RESF1: variants seen among roughly 807,000 people sequenced by gnomAD.
RESF1 encodes the protein gonad expressed transcript.
RESF1 carries 65 observed loss-of-function variants against 134.7 expected under a neutral mutation model. The ratio of observed to expected loss-of-function variants is 0.48; its 90% CI spans 0.40 to 0.59. The LOEUF (loss-of-function observed/expected upper bound fraction) is 0.59. Ranked by LOEUF, RESF1 falls within the 20% of genes least tolerant of loss-of-function variation. The pLI is 0.00. For synonymous variants in RESF1, 762 were observed against 702.2 expected, an observed-to-expected ratio of 1.09 and a Z score of -1.35; for missense variants, 2,274 against 2,002.7, an observed-to-expected ratio of 1.14 and a Z score of -2.59.
At chr12:31,974,808 T>C (rs1309091942) in intron 3 of RESF1, among the ~76,000 whole-genome samples, 2 of 152,134 alleles carry the variant, frequency 1.3e-5, no homozygotes, top group African/African-American at 4.8e-5. Flanking sequence ...GCTTTTCTTC[T>C]GTCAGTGAAC....
chr12:31,976,488 A>G (rs1368921151), intron 3 of RESF1, among the ~76,000 whole-genome samples: 4 of 152,194 alleles, frequency 2.6e-5, no homozygotes, highest in African/African-American at 9.7e-5. Flanking sequence ...GTTCGAGACC[A>G]GCCTGGCCAA....
chr12:31,982,885 G>A lies in RESF1; in HGVS notation c.1930G>A (p.Val644Ile). ...TPSTSNVSGRVLDNSFCSGQE... is the reference protein window; with the variant it reads ...TPSTSNVSGRILDNSFCSGQE... The stretch of plus-strand genomic sequence containing the variant: ...AAGTACTTCTAATGTAAGTGGCAGG[G>A]TTTTGGACAACTCCTTTTGCAGTGG... The change falls in exon 4 of 6, where the codon GTT (valine) becomes ATT (isoleucine). Residue 644 changes from valine to isoleucine, a missense_variant. Physicochemically the swap from Val to Ile is conservative, Grantham distance 29. Coordinates refer to ENST00000312561, the MANE Select transcript of RESF1 (RefSeq NM_018169.4). The A allele has an allele frequency of 6.2e-7, 1 of 1,614,086 alleles. No individual in the cohort carries two copies. Among genetic ancestry groups the A allele is most frequent in the East Asian group, 2.2e-5 (1 of 44,886 alleles).
Position 31,985,484 on chromosome 12 carries a change from A to G in RESF1, c.4529A>G (p.Asn1510Ser), listed in dbSNP as rs1270240410. The G allele has an allele frequency of 2.5e-6, 4 of 1,605,702 alleles. No individual in the cohort carries two copies. The South Asian group carries it at 3.4e-5, about 13-fold the overall frequency. The change falls in exon 4 of 6, where the codon AAT becomes AGT. Residue 1510 changes from asparagine (N) to serine (S), a missense_variant. Physicochemically the swap from Asn to Ser is conservative, Grantham distance 46. Transcript: ENST00000312561. ...GTGCAGACCTCTAAAGAATCATTAAATGGCTTGACAAGCCATGGTAAAAAC... is the reference window on the plus strand; with the variant it reads ...GTGCAGACCTCTAAAGAATCATTAAGTGGCTTGACAAGCCATGGTAAAAAC... ...SGVQTSKESLNGLTSHGKNLK... is the reference protein window; with the variant it reads ...SGVQTSKESLSGLTSHGKNLK...
In RESF1 at chr12:31,980,108, CTTTT is replaced by C. The variant is rs61587386; in HGVS notation, c.-78-753_-78-750del. The stretch of plus-strand genomic sequence containing the variant: ...TGCTTATGCCAGAAATTTTCTTTTC[CTTTT>C]TTTTTTTTTTTTTTTTGAAACAGAG... On this transcript the variant is annotated intron_variant, in intron 3 of 5. Transcript: ENST00000312561. 7.6e-3 allele frequency among the ~76,000 whole-genome samples: 870 copies of C among 114,408 alleles called. 5 individuals are homozygous for C. The highest frequency in any genetic ancestry group is 0.024 in the African/African-American group (753 of 30,966). 75.1% of individuals were successfully genotyped at this position (114,408 alleles called of 152,430 possible). A position where few individuals can be genotyped will look rare whatever the true frequency, so the allele number is the denominator to read the frequency against.
At chr12:31,987,693 A>G (rs1057078789) in intron 5 of RESF1, among the ~76,000 whole-genome samples, 3 of 151,742 alleles carry the variant, frequency 2.0e-5, no homozygotes, top group African/African-American at 7.3e-5. Context: ...TAATATGTAG[A>G]TGAGTATCAG....
intron 3 of RESF1, among the ~76,000 whole-genome samples, chr12:31,976,292 G>A (rs59727209): frequency 0.17 from 25,330 of 152,106 alleles, 2,565 homozygotes; most frequent in African/African-American, 0.28. Flanking sequence ...TTTTGACTCC[G>A]CCAAAACTTG....
rs1348962884 is a variant in RESF1 at position 31,983,143 on chromosome 12, A to G, written c.2188A>G (p.Ser730Gly). ...VGNSNSQNKI[S>G]NPSQQTALSM... ...AAATTCAAATTCTCAGAATAAAATA[A>G]GTAATCCCTCACAGCAGACAGCTTT... The change falls in exon 4 of 6, where the codon AGT becomes GGT. Residue 730 changes from serine to glycine, a missense_variant. Coordinates refer to ENST00000312561, the MANE Select transcript of RESF1 (RefSeq NM_018169.4). The G allele has an allele frequency of 6.2e-7, 1 of 1,611,562 alleles. No homozygotes were observed. Among genetic ancestry groups the G allele is most frequent in the Admixed American group, 1.7e-5 (1 of 59,548 alleles).
chr12:31,988,198 T>C (rs1183167428), intron 5 of RESF1, among the ~76,000 whole-genome samples: 1 of 152,212 alleles, frequency 6.6e-6, no homozygotes, highest in Non-Finnish European at 1.5e-5. Flanking sequence ...TTAAGTTTCA[T>C]TGCTAGTGAC....
intron 2 of RESF1, among the ~76,000 whole-genome samples, chr12:31,967,661 A>AT (rs1444191423): frequency 9.3e-5 from 1 of 10,796 alleles, no homozygotes; most frequent in East Asian, 3.1e-3. Context: ...CGCAGGGGGG[A>AT]TTTTTGTTTT....
rs2120860668 is a variant in RESF1 at position 31,982,565 on chromosome 12, C to A, written c.1610C>A (p.Ala537Glu). The A allele has an allele frequency of 6.2e-7, 1 of 1,613,834 alleles. No individual in the cohort carries two copies. The highest frequency in any genetic ancestry group is 2.2e-5 in the East Asian group (1 of 44,888). ...SKTSAVEMTQ[A>E]VLNTQLSSEN... is the part of the protein sequence containing the mutation. The stretch of plus-strand genomic sequence containing the variant: ...ACATCAGCTGTTGAGATGACCCAGG[C>A]AGTATTGAATACTCAGCTTTCATCA... The change falls in exon 4 of 6, where the codon GCA (alanine) becomes GAA (glutamate). Residue 537 changes from alanine (A) to glutamate (E), a missense_variant. Physicochemically the swap from Ala to Glu is moderately radical, Grantham distance 107. Coordinates refer to ENST00000312561, the MANE Select transcript of RESF1 (RefSeq NM_018169.4).
At chr12:31,989,793 A>G (rs1940058091) in intron 5 of RESF1, among the ~76,000 whole-genome samples, 1 of 152,150 alleles carries the variant, frequency 6.6e-6, no homozygotes, top group Non-Finnish European at 1.5e-5. Context: ...CGGAGGTTCC[A>G]GTGAGCTGAG....
chr12:31,985,749 CA>C lies in RESF1; in HGVS notation c.4797del (p.Lys1599AsnfsTer2). ...CTERESISLT[K>X]LESSPRKLHK... ...CTGAACGTGAAAGCATTTCTCTCAC[CA>C]AATTAGAAAGTTCACCCAGGAAGCT... On this transcript the variant is annotated frameshift_variant, in exon 4 of 6. Coordinates refer to ENST00000312561, the MANE Select transcript of RESF1 (RefSeq NM_018169.4). LOFTEE classifies it high-confidence loss of function. 1 of 1,578,718 alleles carries C rather than the reference CA, an allele frequency of 6.3e-7. No homozygotes were observed. The highest frequency in any genetic ancestry group is 8.6e-7 in the Non-Finnish European group (1 of 1,168,124).
rs773704253 is a variant in RESF1 at position 31,982,317 on chromosome 12, A to G, written c.1362A>G (p.Gly454=). ...SLKQTAKIQS[G]PQITPVMPEN... ...AACAAACTGCCAAAATCCAGTCTGG[A>G]CCCCAGATAACTCCAGTAATGCCAG... The change falls in exon 4 of 6, where the codon GGA becomes GGG. Residue 454 remains glycine (G), a synonymous_variant. Transcript: ENST00000312561. The G allele has an allele frequency of 6.2e-7, 1 of 1,614,132 alleles. No homozygotes were observed. The highest frequency in any genetic ancestry group is 8.5e-7 in the Non-Finnish European group (1 of 1,180,024).
At chr12:31,977,720 G>A (rs1939667969) in intron 3 of RESF1, among the ~76,000 whole-genome samples, 1 of 151,122 alleles carries the variant, frequency 6.6e-6, no homozygotes. Context: ...TCCATGGAAA[G>A]TTTATAATCA....
chr12:31,986,544 C>T (rs1053702859), intron 4 of RESF1, among the ~76,000 whole-genome samples: 2 of 152,088 alleles, frequency 1.3e-5, no homozygotes, highest in African/African-American at 4.8e-5. Context: ...CAGTATTGTC[C>T]AGTGTTATAA....
At chr12:31,963,102 A>G (rs1939316909) in intron 2 of RESF1, among the ~76,000 whole-genome samples, 1 of 152,120 alleles carries the variant, frequency 6.6e-6, no homozygotes, top group South Asian at 2.1e-4. Flanking sequence ...GCAGTGGCTC[A>G]CGCCTGTAAT....
chr12:31,980,872 T>C lies in RESF1; in HGVS notation c.-78-6T>C. ...CATTTTAATAAAATATCTTTATTTC[T>C]TACAGATTCCTGACATTCAGACAAC... On this transcript the variant is annotated splice_region_variant and splice_polypyrimidine_tract_variant and intron_variant, in intron 3 of 5. Coordinates refer to ENST00000312561, the MANE Select transcript of RESF1 (RefSeq NM_018169.4). The C allele has an allele frequency of 9.8e-7, 1 of 1,020,902 alleles. No individual in the cohort carries two copies. 63.2% of individuals were successfully genotyped at this position (1,020,902 alleles called of 1,614,324 possible).
At chr12:31,991,626 T>G (rs1042298647) in intron 5 of RESF1, among the ~76,000 whole-genome samples, 3 of 152,110 alleles carry the variant, frequency 2.0e-5, no homozygotes, top group Non-Finnish European at 4.4e-5. Context: ...TTTGTTTGTT[T>G]GTTTGTTTGT....
At chr12:31,961,377 T>G (rs1196525178) in intron 2 of RESF1, among the ~76,000 whole-genome samples, 1 of 152,220 alleles carries the variant, frequency 6.6e-6, no homozygotes, top group Non-Finnish European at 1.5e-5. Context: ...ATCTTGGCTG[T>G]AGCACTCAGC....
Sources: allele counts gnomAD v4.1 joint callset (sites outside exome capture counted in the v4.1 genomes callset), GRCh38; gene constraint gnomAD v4.1.1; transcripts MANE v1.5; gene names NCBI Gene and HGNC (gene_info 2026-07-23, HGNC 2026-07-21).